STRN3: variants seen among roughly 807,000 people sequenced by gnomAD.
STRN3 encodes the protein striatin 3.
STRN3 carries 29 observed loss-of-function variants against 95.6 expected under a neutral mutation model. The ratio of observed to expected loss-of-function variants is 0.30; its 90% CI spans 0.23 to 0.41. STRN3 has a LOEUF of 0.41. Ranked by LOEUF, STRN3 falls within the 10% of genes least tolerant of loss-of-function variation. STRN3 has a pLI of 1.00. For missense variants in STRN3, 890 were observed against 972.1 expected (o/e 0.92, Z 1.12); for synonymous variants, 331 against 357.6 (o/e 0.93, Z 0.84).
At chr14:30,984,676 G>T (rs1174750830) in intron 1 of STRN3, among the ~76,000 whole-genome samples, 2 of 151,914 alleles carry the variant, frequency 1.3e-5, no homozygotes, top group Non-Finnish European at 2.9e-5. Flanking sequence ...TACTCAGGAG[G>T]CTGAGGCAGG....
chr14:30,973,883 G>C (rs1024584478), intron 1 of STRN3, among the ~76,000 whole-genome samples: 3 of 152,186 alleles, frequency 2.0e-5, no homozygotes, highest in African/African-American at 7.2e-5. Context: ...GATTATCTCA[G>C]TGTAGAAAAA....
intron 1 of STRN3, among the ~76,000 whole-genome samples, chr14:30,961,925 G>A (rs185958501): frequency 1.4e-4 from 21 of 152,280 alleles, no homozygotes; most frequent in African/African-American, 4.6e-4. Flanking sequence ...ATTTTAGAGT[G>A]TATTCCTACC....
rs144544040 is a variant in STRN3, at chr14:30,956,948, C to G, written c.283-706G>C. Reference sequence around the variant, plus strand: ...CCGAGGCAGGCAGATCACCTGAGGTCAGGAGTTCAAGACCGGCCTGGCCAA... The same window carrying G: ...CCGAGGCAGGCAGATCACCTGAGGTGAGGAGTTCAAGACCGGCCTGGCCAA... On this transcript the variant is annotated intron_variant, in intron 1 of 17. Coordinates refer to ENST00000357479, the MANE Select transcript of STRN3 (RefSeq NM_001083893.2). Among the ~76,000 whole-genome samples the G allele has an allele frequency of 3.7e-3, 566 of 151,202 alleles. 5 individuals are homozygous for G. Among genetic ancestry groups the G allele is most frequent in the African/African-American group, 0.013 (531 of 41,114 alleles).
At chr14:31,003,287 G>A (rs1882555694) in intron 1 of STRN3, among the ~76,000 whole-genome samples, 1 of 148,516 alleles carries the variant, frequency 6.7e-6, no homozygotes. Context: ...AAAAGAAAAA[G>A]AAAGAGAAAG....
intron 16 of STRN3, 35 bp downstream of exon 16, chr14:30,902,501 G>T: frequency 7.3e-7 from 1 of 1,370,216 alleles, no homozygotes; most frequent in African/African-American, 1.5e-5. Context: ...CAAATTTACA[G>T]TATTACTAAT....
intron 16 of STRN3, among the ~76,000 whole-genome samples, chr14:30,896,175 C>T (rs979542854): frequency 1.3e-5 from 2 of 152,180 alleles, no homozygotes; most frequent in Non-Finnish European, 2.9e-5. Context: ...GTACATCCAC[C>T]ACTACGGTAA....
rs772715487 is a variant in STRN3 at position 30,919,086 on chromosome 14, A to T, written c.1120T>A (p.Tyr374Asn). The T allele has an allele frequency of 6.2e-7, 1 of 1,609,142 alleles. No individual in the cohort carries two copies. Among genetic ancestry groups the T allele is most frequent in the South Asian group, 1.1e-5 (1 of 90,464 alleles). ...TCTCCCAGATCAGCTATCATGTCGTAGAGTTTTGTCCTGTTGGCCCCTGTA... is the reference window on the plus strand; with the variant it reads ...TCTCCCAGATCAGCTATCATGTCGTTGAGTTTTGTCCTGTTGGCCCCTGTA... ...GVKRANRTKL[Y>N]DMIADLGDDE... The change falls in exon 9 of 18, where the codon TAC (tyrosine) becomes AAC (asparagine). Residue 374 changes from tyrosine (Y) to asparagine (N), a missense_variant. Physicochemically the swap from Tyr to Asn is moderately radical, Grantham distance 143. Coordinates refer to ENST00000357479, the MANE Select transcript of STRN3 (RefSeq NM_001083893.2).
intron 1 of STRN3, among the ~76,000 whole-genome samples, chr14:30,958,249 T>C (rs1289881135): frequency 6.6e-6 from 1 of 152,144 alleles, no homozygotes; most frequent in African/African-American, 2.4e-5. Flanking sequence ...GGAGTGAGGC[T>C]AGAGTGAGCT....
intron 5 of STRN3, among the ~76,000 whole-genome samples, 198 bp downstream of exon 5, chr14:30,946,892 T>C (rs1879386286): frequency 6.6e-6 from 1 of 151,660 alleles, no homozygotes; most frequent in South Asian, 2.1e-4. Flanking sequence ...GGCAGGAGAA[T>C]TGCTTGAGCC....
chr14:30,951,016 G>T, intron 3 of STRN3, 72 bp from the exon 4 acceptor site: 1 of 1,320,694 alleles, frequency 7.6e-7, no homozygotes, highest in Non-Finnish European at 1.1e-6. Context: ...AGTTTTCTTA[G>T]GGATAAATTC....
At chr14:30,955,827 T>A in intron 2 of STRN3, 134 bp from the exon 3 acceptor site, 1 of 730,280 alleles carries the variant, frequency 1.4e-6, no homozygotes, top group Non-Finnish European at 2.1e-6. Context: ...CATTGAAGAC[T>A]ATATTGCTGT....
chr14:30,958,935 A>C (rs1880051875), intron 1 of STRN3, among the ~76,000 whole-genome samples: 1 of 152,224 alleles, frequency 6.6e-6, no homozygotes, highest in Admixed American at 6.5e-5. Flanking sequence ...AAAAGCAAAA[A>C]TTCCAAAGCG....
At chr14:30,915,519 T>G (rs1896716031) in intron 9 of STRN3, among the ~76,000 whole-genome samples, 2 of 152,152 alleles carry the variant, frequency 1.3e-5, no homozygotes, top group South Asian at 4.1e-4. Context: ...GCATTGATCT[T>G]TTGATCTTTT....
Position 30,895,334 on chromosome 14 carries a change from G to C in STRN3, c.*77C>G. ...GCAGATCACATGTAGTGTCATATCA[G>C]TAACCTTTCTGATGGCAGTGATGCA... On this transcript the variant is annotated 3_prime_UTR_variant, in exon 18 of 18. Transcript: ENST00000357479. The C allele has an allele frequency of 6.9e-7, 1 of 1,444,358 alleles. No individual in the cohort carries two copies. The highest frequency in any genetic ancestry group is 9.2e-7 in the Non-Finnish European group (1 of 1,083,938). 89.5% of individuals were successfully genotyped at this position (1,444,358 alleles called of 1,614,324 possible).
At chr14:31,011,537 G>T (rs1423457686) in intron 1 of STRN3, among the ~76,000 whole-genome samples, 1 of 152,178 alleles carries the variant, frequency 6.6e-6, no homozygotes, top group Admixed American at 6.5e-5. Flanking sequence ...CAGCTACTCA[G>T]GAGGCTGAGG....
chr14:30,978,437 A>G (rs1881222702), intron 1 of STRN3, among the ~76,000 whole-genome samples: 1 of 152,182 alleles, frequency 6.6e-6, no homozygotes, highest in African/African-American at 2.4e-5. Context: ...AAAAACTCTC[A>G]ATAAACAGGA....
In STRN3 at chr14:30,977,812, A is replaced by AAAAAAC. The variant is rs1566470884; in HGVS notation, c.283-21576_283-21571dup. On this transcript the variant is annotated intron_variant, in intron 1 of 17. Transcript: ENST00000357479. ...CTATCTCGAAAAAAAAAAAAAAAAAAAAAAACATGAAAGAAGGGTCCTCAT... is the reference window on the plus strand; with the variant it reads ...CTATCTCGAAAAAAAAAAAAAAAAAAAAAAACAAAAACATGAAAGAAGGGTCCTCAT... 5.8e-5 allele frequency among the ~76,000 whole-genome samples: 8 copies of AAAAAAC among 136,986 alleles called. 1 individual carries two copies. Among genetic ancestry groups the AAAAAAC allele is most frequent in the African/African-American group, 8.1e-5 (3 of 36,948 alleles). 89.9% of individuals were successfully genotyped at this position (136,986 alleles called of 152,430 possible).
chr14:30,944,632 T>G (rs1445076055), intron 5 of STRN3, among the ~76,000 whole-genome samples: 5 of 149,206 alleles, frequency 3.4e-5, no homozygotes, highest in Admixed American at 2.0e-4. Context: ...TTTTTTTTTT[T>G]TTTTGAGATG....
chr14:31,013,904 T>C (rs1334356919), intron 1 of STRN3, among the ~76,000 whole-genome samples: 4 of 113,660 alleles, frequency 3.5e-5, no homozygotes, highest in Non-Finnish European at 8.1e-5. Flanking sequence ...TTATTATTAT[T>C]ATTATTATTA....
Sources: gnomAD v4.1 joint callset for allele counts (sites outside exome capture counted in the v4.1 genomes callset) on GRCh38, gnomAD v4.1.1 for gene constraint, MANE v1.5 for transcripts, NCBI Gene and HGNC (gene_info 2026-07-23, HGNC 2026-07-21) for gene names.